DCC: variants seen among roughly 807,000 people sequenced by gnomAD.
DCC encodes DCC netrin 1 receptor.
A neutral mutation model predicts 172.5 loss-of-function variants in DCC; 58 were observed. The ratio of observed to expected loss-of-function variants is 0.34; its 90% CI spans 0.27 to 0.42. DCC has a LOEUF of 0.42. Among genes scored for constraint, DCC ranks in the 10% least tolerant of loss-of-function variants. The pLI is 1.00. For missense variants in DCC, 1,740 were observed against 1,791.0 expected, an observed-to-expected ratio of 0.97 and a Z score of 0.51; for synonymous variants, 709 against 644.5, an observed-to-expected ratio of 1.10 and a Z score of -1.52.
chr18:52,865,317 T>C (rs1217511346), intron 2 of DCC, among the ~76,000 whole-genome samples: 3 of 152,210 alleles, frequency 2.0e-5, no homozygotes, highest in Non-Finnish European at 2.9e-5. Flanking sequence ...CATGTGTCTT[T>C]ATAGTAGAAT....
intron 2 of DCC, among the ~76,000 whole-genome samples, chr18:52,786,033 T>G (rs1267452802): frequency 6.6e-6 from 1 of 152,114 alleles, no homozygotes; most frequent in Admixed American, 6.6e-5. Context: ...TAGAAGGTGC[T>G]ACTGTTTATA....
intron 1 of DCC, among the ~76,000 whole-genome samples, chr18:52,529,863 G>A (rs1156613614): frequency 1.3e-5 from 2 of 152,134 alleles, no homozygotes; most frequent in African/African-American, 2.4e-5. Context: ...TTCTTATGAT[G>A]TGATTCAGAG....
At chr18:53,100,399 A>C (rs1388952203) in intron 7 of DCC, among the ~76,000 whole-genome samples, 1 of 152,158 alleles carries the variant, frequency 6.6e-6, no homozygotes, top group African/African-American at 2.4e-5. Flanking sequence ...ATTTTTAGCA[A>C]CCTCTTAGTT....
chr18:53,224,978 T>C (rs759550461), intron 12 of DCC, among the ~76,000 whole-genome samples: 1 of 151,930 alleles, frequency 6.6e-6, no homozygotes. Context: ...TTAGAAAAAA[T>C]ATGGCAGAAA....
intron 1 of DCC, among the ~76,000 whole-genome samples, chr18:52,451,363 G>A (rs1988298184): frequency 6.6e-6 from 1 of 152,130 alleles, no homozygotes; most frequent in Admixed American, 6.5e-5. Flanking sequence ...TATGGTAATG[G>A]GAGAGATTGC....
rs754620212 is a variant in DCC, at chr18:53,450,485, C to T, written c.3230-15C>T. The T allele has an allele frequency of 9.9e-6, 16 of 1,613,596 alleles. No individual in the cohort carries two copies. The highest frequency in any genetic ancestry group is 2.5e-6 in the Non-Finnish European group (3 of 1,179,874). ...TCTTCCTAAACCTGAACTCCATTTT[C>T]CTGTCTTTTCCCAGAGCCGCCAATT... is the stretch of plus-strand genomic sequence containing the variant. On this transcript the variant is annotated splice_polypyrimidine_tract_variant and intron_variant, in intron 22 of 28. Transcript: ENST00000442544.
intron 9 of DCC, among the ~76,000 whole-genome samples, chr18:53,195,416 A>G (rs552346933): frequency 1.3e-5 from 2 of 152,300 alleles, no homozygotes; most frequent in East Asian, 1.9e-4. Flanking sequence ...TTGGCAAAAC[A>G]TTATTTGATT....
intron 12 of DCC, among the ~76,000 whole-genome samples, chr18:53,296,698 T>A (rs1222371442): frequency 6.6e-6 from 1 of 152,194 alleles, no homozygotes. Context: ...TTCAAAGTAC[T>A]GATGGGCACA....
intron 1 of DCC, among the ~76,000 whole-genome samples, chr18:52,678,967 C>A (rs2035694181): frequency 6.6e-6 from 1 of 151,990 alleles, no homozygotes; most frequent in East Asian, 1.9e-4. Context: ...CACACTTCAA[C>A]TTTTGCTGTT....
intron 1 of DCC, among the ~76,000 whole-genome samples, chr18:52,499,012 TC>T (rs1175924796): frequency 6.6e-6 from 1 of 152,198 alleles, no homozygotes; most frequent in Non-Finnish European, 1.5e-5. Flanking sequence ...TGACATCTTC[TC>T]TGACCGTACC....
intron 2 of DCC, among the ~76,000 whole-genome samples, chr18:52,838,211 T>A (rs2038745456): frequency 6.6e-6 from 1 of 152,202 alleles, no homozygotes; most frequent in Non-Finnish European, 1.5e-5. Context: ...TTAAACTTTA[T>A]AAAATTTTTA....
At chr18:53,423,567 T>C (rs1041405357) in intron 21 of DCC, among the ~76,000 whole-genome samples, 5 of 152,192 alleles carry the variant, frequency 3.3e-5, no homozygotes, top group Non-Finnish European at 7.3e-5. Context: ...CTTTCTCTCT[T>C]TCTCAACTAA....
intron 1 of DCC, among the ~76,000 whole-genome samples, chr18:52,457,973 C>T (rs1384817305): frequency 6.6e-6 from 1 of 152,140 alleles, no homozygotes; most frequent in East Asian, 1.9e-4. Context: ...GTGGGTCTGT[C>T]CTGGCTCCAA....
intron 1 of DCC, among the ~76,000 whole-genome samples, chr18:52,442,274 C>T (rs1344282858): frequency 6.6e-6 from 1 of 152,068 alleles, no homozygotes; most frequent in African/African-American, 2.4e-5. Context: ...ATAGCTAACA[C>T]CATGAAGAAA....
At chr18:52,971,136 A>G (rs766499774) in intron 5 of DCC, among the ~76,000 whole-genome samples, 10 of 152,160 alleles carry the variant, frequency 6.6e-5, no homozygotes, top group Non-Finnish European at 1.5e-4. Flanking sequence ...AGGGGCAGAA[A>G]AAAAACACAG....
intron 12 of DCC, among the ~76,000 whole-genome samples, chr18:53,242,908 G>A (rs537647900): frequency 3.7e-4 from 56 of 151,504 alleles, no homozygotes; most frequent in African/African-American, 1.2e-3. Context: ...GTGTGTTTGT[G>A]CATCTGGCCA....
At chr18:52,624,914 G>A (rs1415694254) in intron 1 of DCC, among the ~76,000 whole-genome samples, 1 of 152,144 alleles carries the variant, frequency 6.6e-6, no homozygotes, top group Non-Finnish European at 1.5e-5. Context: ...TATGAATGGG[G>A]ATACATTATG....
chr18:52,979,211 A>G (rs1378139040), intron 5 of DCC, among the ~76,000 whole-genome samples: 1 of 152,218 alleles, frequency 6.6e-6, no homozygotes, highest in African/African-American at 2.4e-5. Flanking sequence ...AATGCAAAAG[A>G]TGGAGGTACA....
At chr18:53,119,776 G>T (rs949434883) in intron 7 of DCC, among the ~76,000 whole-genome samples, 1 of 151,658 alleles carries the variant, frequency 6.6e-6, no homozygotes, top group African/African-American at 2.4e-5. Context: ...GAACAGTAAG[G>T]TTGCATCACC....
Sources: gnomAD v4.1 joint callset for allele counts (sites outside exome capture counted in the v4.1 genomes callset) on GRCh38, gnomAD v4.1.1 for gene constraint, MANE v1.5 for transcripts, NCBI Gene and HGNC (gene_info 2026-07-23, HGNC 2026-07-21) for gene names.